The following GFRA2 variants were observed in gnomAD, a reference collection of about 807,000 sequenced individuals.
GFRA2 encodes GDNF family receptor alpha-2.
Under a neutral mutation model 48.3 loss-of-function variants are expected in GFRA2, and 17 were observed. The observed-to-expected ratio is 0.35, with a 90% CI of 0.24 to 0.53. GFRA2 has a LOEUF of 0.53. GFRA2 is among the 20% of genes least tolerant of loss of function. The probability of loss-of-function intolerance (pLI) is 0.93; values close to 1 mark genes in which losing one functional copy is unlikely to be tolerated. For missense variants in GFRA2, 660 were observed against 637.3 expected (o/e 1.04, Z -0.38); for synonymous variants, 305 against 257.2 (o/e 1.19, Z -1.78).
At chr8:21,699,759 C>T (rs1246482317) in intron 7 of GFRA2, among the ~76,000 whole-genome samples, 1 of 152,242 alleles carries the variant, frequency 6.6e-6, no homozygotes, top group Non-Finnish European at 1.5e-5. Context: ...GGCACTGAAA[C>T]ACACAGAGCC....
chr8:21,729,465 G>C (rs1477866281), intron 4 of GFRA2, among the ~76,000 whole-genome samples: 1 of 152,158 alleles, frequency 6.6e-6, no homozygotes, highest in African/African-American at 2.4e-5. Context: ...AGGGGAAGAA[G>C]GTCTCAGAGA....
intron 1 of GFRA2, among the ~76,000 whole-genome samples, chr8:21,808,236 G>T (rs1665661733): frequency 6.6e-6 from 1 of 152,186 alleles, no homozygotes; most frequent in Admixed American, 6.5e-5. Context: ...AAACTCCATG[G>T]TGGAATATTT....
chr8:21,742,858 G>C (rs912645919), intron 4 of GFRA2, among the ~76,000 whole-genome samples: 1 of 152,178 alleles, frequency 6.6e-6, no homozygotes, highest in Admixed American at 6.5e-5. Context: ...CATCCACCTG[G>C]GGTGTGAGCC....
chr8:21,790,295 C>T (rs1376769415), upstream of GFRA2, among the ~76,000 whole-genome samples: 2 of 152,194 alleles, frequency 1.3e-5, no homozygotes, highest in Non-Finnish European at 1.5e-5. Flanking sequence ...CACACGGTGT[C>T]CTGGGGTGGG....
Position 21,693,186 on chromosome 8 carries a change from G to A in GFRA2, c.*92C>T, listed in dbSNP as rs183976527. ...GGGAAAAACAATTTTTTTTTTGCAAGGTGTGTGTGTGTCTGTGTGTGTTTC... is the reference window on the plus strand; with the variant it reads ...GGGAAAAACAATTTTTTTTTTGCAAAGTGTGTGTGTGTCTGTGTGTGTTTC... On this transcript the variant is annotated 3_prime_UTR_variant, in exon 9 of 9. Transcript: ENST00000524240. The A allele has an allele frequency of 4.2e-5, 51 of 1,202,966 alleles. No homozygotes were observed. The African/African-American group carries it at 6.9e-4, about 16-fold the overall frequency. The allele number at this position is 1,202,966 out of a possible 1,614,324, so 74.5% of individuals were successfully genotyped here. A position where few individuals can be genotyped will look rare whatever the true frequency, so the allele number is the denominator to read the frequency against.
chr8:21,767,992 G>T (rs1409461112), intron 3 of GFRA2, among the ~76,000 whole-genome samples: 1 of 152,198 alleles, frequency 6.6e-6, no homozygotes, highest in Non-Finnish European at 1.5e-5. Flanking sequence ...GAAAACAGAA[G>T]AGGGAAAATG....
chr8:21,787,118 C>A (rs1462051827), intron 1 of GFRA2, among the ~76,000 whole-genome samples: 2 of 152,158 alleles, frequency 1.3e-5, no homozygotes, highest in Admixed American at 6.5e-5. Context: ...CCTTTCCTCA[C>A]CTCCCTCCGG....
intron 7 of GFRA2, among the ~76,000 whole-genome samples, chr8:21,699,126 G>C (rs1802348413): frequency 6.6e-6 from 1 of 152,224 alleles, no homozygotes; most frequent in Non-Finnish European, 1.5e-5. Context: ...CATGAGGCTT[G>C]TTAGCCTCGG....
intron 2 of GFRA2, among the ~76,000 whole-genome samples, chr8:21,780,588 C>T (rs1169350881): frequency 6.6e-6 from 1 of 152,286 alleles, no homozygotes; most frequent in African/African-American, 2.4e-5. Context: ...CCCACTTCCT[C>T]CCTCGACTCT....
At chr8:21,705,859 G>C (rs1364711290) in intron 5 of GFRA2, 73 bp downstream of exon 5, 1 of 1,006,144 alleles carries the variant, frequency 9.9e-7, no homozygotes, top group Non-Finnish European at 1.5e-6. Flanking sequence ...CCCTGAGCTG[G>C]GCTGCGGCCC....
At chr8:21,766,528 C>G (rs1806160848) in intron 3 of GFRA2, among the ~76,000 whole-genome samples, 1 of 151,736 alleles carries the variant, frequency 6.6e-6, no homozygotes. Flanking sequence ...AGCGCGGAAG[C>G]CTCCAGTCGC....
At position 21,691,509 on chromosome 8, in the gene GFRA2, C is replaced by A. The variant is rs1331227734; in HGVS notation, c.*1769G>T. 6.6e-6 allele frequency: 1 copy of A among 152,254 alleles called. No individual in the cohort carries two copies. The highest frequency in any genetic ancestry group is 1.5e-5 in the Non-Finnish European group (1 of 68,072). The allele number at this position is 152,254 out of a possible 1,614,324, so 9.4% of individuals were successfully genotyped here. On this transcript the variant is annotated 3_prime_UTR_variant, in exon 9 of 9. Coordinates refer to ENST00000524240, the MANE Select transcript of GFRA2 (RefSeq NM_001495.5). Reference sequence around the variant, plus strand: ...ACCCCAGAACATGCACAGTCATGTCCTTCTTCTCTGGTGGGACCCAAAAGG... The same window carrying A: ...ACCCCAGAACATGCACAGTCATGTCATTCTTCTCTGGTGGGACCCAAAAGG...
intron 2 of GFRA2, chr8:21,780,877 T>A (rs1007625689): frequency 2.0e-5 from 3 of 152,202 alleles, no homozygotes; most frequent in Admixed American, 6.5e-5. Context: ...AGCCCAGAAC[T>A]TTGGGAAACC....
At chr8:21,796,527 C>G (rs1379361869) in intron 2 of GFRA2, among the ~76,000 whole-genome samples, 7 of 152,268 alleles carry the variant, frequency 4.6e-5, no homozygotes, top group Non-Finnish European at 8.8e-5. Context: ...GGGCACCTCC[C>G]AAGGGGCTGT....
At chr8:21,769,931 C>G (rs943084447) in intron 3 of GFRA2, among the ~76,000 whole-genome samples, 2 of 152,216 alleles carry the variant, frequency 1.3e-5, no homozygotes, top group Non-Finnish European at 2.9e-5. Context: ...TTGGCCCTCT[C>G]CAGGCTCCAA....
chr8:21,779,107 G>A (rs1171427844), intron 2 of GFRA2, among the ~76,000 whole-genome samples: 6 of 152,024 alleles, frequency 3.9e-5, no homozygotes, highest in African/African-American at 1.4e-4. Flanking sequence ...GGCTGAGGTG[G>A]GAGAATCATT....
chr8:21,782,928 G>T, intron 1 of GFRA2, 29 bp from the exon 2 acceptor site: 1 of 1,527,190 alleles, frequency 6.5e-7, no homozygotes, highest in Non-Finnish European at 8.8e-7. Context: ...AGACAAGCAT[G>T]AATGACGGCC....
chr8:21,728,483 C>T (rs1298924922), intron 4 of GFRA2, among the ~76,000 whole-genome samples: 1 of 151,928 alleles, frequency 6.6e-6, no homozygotes, highest in Non-Finnish European at 1.5e-5. Context: ...CCATGTTGGC[C>T]AGGCTGGTCT....
At chr8:21,704,329 C>CG (rs1385417133) in intron 6 of GFRA2, among the ~76,000 whole-genome samples, 2 of 152,230 alleles carry the variant, frequency 1.3e-5, no homozygotes, top group Non-Finnish European at 1.5e-5. Context: ...GCAGACCCCC[C>CG]GCCCAGAGCA....
Sources: allele counts gnomAD v4.1 joint callset (sites outside exome capture counted in the v4.1 genomes callset), GRCh38; gene constraint gnomAD v4.1.1; transcripts MANE v1.5; gene names NCBI Gene and HGNC (gene_info 2026-07-23, HGNC 2026-07-21).